Variants in ZC3H12B observed in about 807,000 individuals in gnomAD.
ZC3H12B encodes zinc finger CCCH-type containing 12B.
A neutral mutation model predicts 43.9 loss-of-function variants in ZC3H12B; 7 were observed. That is an observed-to-expected ratio of 0.16 (90% CI 0.09 to 0.30). The LOEUF (loss-of-function observed/expected upper bound fraction) is 0.30. Ranked by LOEUF, ZC3H12B falls within the 10% of genes least tolerant of loss-of-function variation. The pLI is 1.00. For missense variants in ZC3H12B, 475 were observed against 670.2 expected, an observed-to-expected ratio of 0.71 and a Z score of 3.22; for synonymous variants, 222 against 241.7, an observed-to-expected ratio of 0.92 and a Z score of 0.76.
At chrX:65,499,090 T>C (rs775645838) in exon 3 of ZC3H12B, 2 of 1,209,417 alleles carry the variant, frequency 1.7e-6, no homozygotes, top group African/African-American at 3.5e-5. Context: ...TCTGCTATGA[T>C]GACCGGTTCA....
chrX:65,189,744 A>G, the ZC3H12B span, among the ~76,000 whole-genome samples: 5 of 109,837 alleles, frequency 4.6e-5, no homozygotes, highest in Admixed American at 2.0e-4. Context: ...CCATTTTGTA[A>G]GTTGCCTGTT....
At chrX:65,121,184 A>C in the ZC3H12B span, among the ~76,000 whole-genome samples, 2 of 110,834 alleles carry the variant, frequency 1.8e-5, no homozygotes, top group South Asian at 7.6e-4. Flanking sequence ...TAGGGAGGAT[A>C]CCCTCTTTTT....
the ZC3H12B span, among the ~76,000 whole-genome samples, chrX:65,321,389 AG>A: frequency 8.9e-6 from 1 of 112,091 alleles, no homozygotes; most frequent in Non-Finnish European, 1.9e-5. Context: ...GTTATTTAAA[AG>A]TCAAAATTAA....
chrX:65,331,545 G>A, the ZC3H12B span, among the ~76,000 whole-genome samples: 4 of 99,138 alleles, frequency 4.0e-5, no homozygotes, highest in African/African-American at 1.8e-4. Context: ...GGAAAAATAA[G>A]TTTAATGTTT....
At chrX:65,215,542 G>T in the ZC3H12B span, among the ~76,000 whole-genome samples, 1 of 110,731 alleles carries the variant, frequency 9.0e-6, no homozygotes, top group Admixed American at 9.7e-5. Flanking sequence ...GAGAGTTGCA[G>T]CCTTGCCCTG....
chrX:65,385,610 C>T (rs1263514782), intron 2 of ZC3H12B, among the ~76,000 whole-genome samples: 1 of 111,860 alleles, frequency 8.9e-6, no homozygotes, highest in African/African-American at 3.3e-5. Context: ...AATTTGACTT[C>T]CTCTTTTCCT....
chrX:65,065,762 T>G, the ZC3H12B span, among the ~76,000 whole-genome samples: 3 of 111,306 alleles, frequency 2.7e-5, no homozygotes, highest in South Asian at 1.1e-3. Flanking sequence ...ATTCTCTTTG[T>G]CAGTTTTAGG....
At chrX:65,143,800 G>A in the ZC3H12B span, among the ~76,000 whole-genome samples, 6 of 109,739 alleles carry the variant, frequency 5.5e-5, no homozygotes, top group Middle Eastern at 4.6e-3. Flanking sequence ...AACTCCTGAC[G>A]TTGGGTAATC....
At chrX:65,305,865 T>C in the ZC3H12B span, among the ~76,000 whole-genome samples, 1 of 111,606 alleles carries the variant, frequency 9.0e-6, no homozygotes, top group East Asian at 2.8e-4. Flanking sequence ...CGAACCTGTT[T>C]TCTGTTCTGT....
intron 3 of ZC3H12B, among the ~76,000 whole-genome samples, chrX:65,427,930 C>G (rs886143209): frequency 1.8e-5 from 2 of 111,894 alleles, no homozygotes; most frequent in Non-Finnish European, 3.8e-5. Flanking sequence ...TGAGTGCTTC[C>G]TTCATGAGCT....
chrX:65,259,039 A>T, the ZC3H12B span, among the ~76,000 whole-genome samples: 30 of 112,130 alleles, frequency 2.7e-4, no homozygotes, highest in African/African-American at 9.4e-4. Context: ...ACTACTAGTG[A>T]CATTCTTTAC....
At chrX:65,212,359 T>C in the ZC3H12B span, among the ~76,000 whole-genome samples, 2 of 53,579 alleles carry the variant, frequency 3.7e-5, no homozygotes, top group Non-Finnish European at 6.0e-5. Flanking sequence ...ATAATTATTA[T>C]ATTTATATTA....
chrX:65,289,572 CATA>C, the ZC3H12B span, among the ~76,000 whole-genome samples: 1 of 108,536 alleles, frequency 9.2e-6, no homozygotes, highest in African/African-American at 3.3e-5. Flanking sequence ...ATTTTATATT[CATA>C]ATATCTAATT....
chrX:65,183,559 GA>G, the ZC3H12B span, among the ~76,000 whole-genome samples: 1 of 111,482 alleles, frequency 9.0e-6, no homozygotes, highest in East Asian at 2.8e-4. Flanking sequence ...TAAAAGTTAA[GA>G]AAATTATACA....
At chrX:65,240,230 C>G in the ZC3H12B span, among the ~76,000 whole-genome samples, 2 of 111,756 alleles carry the variant, frequency 1.8e-5, no homozygotes, top group Admixed American at 1.9e-4. Flanking sequence ...TAGGTTCAGT[C>G]TTTTTACATA....
At chrX:65,051,939 G>A in the ZC3H12B span, among the ~76,000 whole-genome samples, 5 of 110,601 alleles carry the variant, frequency 4.5e-5, no homozygotes, top group Non-Finnish European at 9.5e-5. Flanking sequence ...TCAGCTCTTG[G>A]TCTGCTTATA....
chrX:65,378,747 C>T (rs753206983), intron 2 of ZC3H12B, among the ~76,000 whole-genome samples: 4 of 112,615 alleles, frequency 3.6e-5, no homozygotes, highest in African/African-American at 1.3e-4. Context: ...TCAGTTGGTG[C>T]ATGCACCGTG....
chrX:65,303,908 G>A, the ZC3H12B span, among the ~76,000 whole-genome samples: 2 of 112,318 alleles, frequency 1.8e-5, no homozygotes, highest in Non-Finnish European at 3.8e-5. Context: ...ATAAAATAGA[G>A]AGATCTGTAA....
the ZC3H12B span, among the ~76,000 whole-genome samples, chrX:65,350,548 C>A: frequency 2.7e-5 from 3 of 111,819 alleles, no homozygotes; most frequent in Non-Finnish European, 3.8e-5. Flanking sequence ...TCTCTGTTTG[C>A]AGATGACATA....
Sources: gnomAD v4.1 joint callset for allele counts (sites outside exome capture counted in the v4.1 genomes callset) on GRCh38, gnomAD v4.1.1 for gene constraint, MANE v1.5 for transcripts, NCBI Gene and HGNC (gene_info 2026-07-23, HGNC 2026-07-21) for gene names.